Variants in MAST4 observed in about 807,000 individuals in gnomAD.
MAST4 encodes microtubule associated serine/threonine kinase family member 4, also known as microtubule-associated serine/threonine-protein kinase 4.
MAST4 carries 89 observed loss-of-function variants against 162.7 expected under a neutral mutation model. The ratio of observed to expected loss-of-function variants is 0.55; its 90% CI spans 0.46 to 0.65. MAST4 has a LOEUF of 0.65. MAST4 is among the 30% of genes least tolerant of loss of function. The pLI is 0.00. For synonymous variants in MAST4, 1,479 were observed against 1,361.1 expected (o/e 1.09, Z -1.91); for missense variants, 3,153 against 3,374.0 (o/e 0.93, Z 1.62).
intron 1 of MAST4, among the ~76,000 whole-genome samples, chr5:66,609,635 C>T (rs942920035): frequency 1.3e-5 from 2 of 151,448 alleles, no homozygotes; most frequent in African/African-American, 4.9e-5. Flanking sequence ...GATCCACCCA[C>T]CCTAGCCTCC....
intron 13 of MAST4, 24 bp from the exon 14 acceptor site, chr5:67,120,993 T>A: frequency 6.5e-7 from 1 of 1,538,140 alleles, no homozygotes; most frequent in Non-Finnish European, 8.9e-7. Flanking sequence ...AACTACTTTT[T>A]AACTTCCATA....
chr5:66,950,479 G>A (rs1239714173), intron 4 of MAST4, among the ~76,000 whole-genome samples: 3 of 151,950 alleles, frequency 2.0e-5, no homozygotes, highest in African/African-American at 7.3e-5. Flanking sequence ...CTATGAATTT[G>A]ACTACTATAG....
At chr5:66,677,500 G>T (rs1748026539) in intron 1 of MAST4, among the ~76,000 whole-genome samples, 1 of 152,156 alleles carries the variant, frequency 6.6e-6, no homozygotes, top group Non-Finnish European at 1.5e-5. Context: ...TATTCAAAAT[G>T]TGGTCAGCAA....
At chr5:66,603,174 G>T (rs1391022713) in intron 1 of MAST4, among the ~76,000 whole-genome samples, 1 of 152,128 alleles carries the variant, frequency 6.6e-6, no homozygotes, top group African/African-American at 2.4e-5. Flanking sequence ...TTCATGAGTA[G>T]GTAGATATGT....
chr5:66,816,518 T>A (rs1756733800), intron 3 of MAST4, among the ~76,000 whole-genome samples: 1 of 152,160 alleles, frequency 6.6e-6, no homozygotes, highest in Non-Finnish European at 1.5e-5. Flanking sequence ...CAGAAGGAAA[T>A]TATACTCTGC....
At chr5:66,633,142 G>A (rs898881118) in intron 1 of MAST4, among the ~76,000 whole-genome samples, 4 of 152,160 alleles carry the variant, frequency 2.6e-5, no homozygotes, top group Admixed American at 2.6e-4. Context: ...AAATACCCCA[G>A]TTTGAGAGTC....
intron 4 of MAST4, among the ~76,000 whole-genome samples, chr5:66,982,633 A>G (rs1245951597): frequency 6.6e-6 from 1 of 152,200 alleles, no homozygotes; most frequent in Non-Finnish European, 1.5e-5. Flanking sequence ...GCTTAAGCCC[A>G]TACCCTGGGC....
At position 66,849,506 on chromosome 5, in the gene MAST4, A is replaced by G. The variant is rs75739145; in HGVS notation, c.643-50445A>G. Among the ~76,000 whole-genome samples the G allele has an allele frequency of 9.1e-3, 1,366 of 150,608 alleles. 23 individuals are homozygous for G. The highest frequency in any genetic ancestry group is 0.082 in the South Asian group (392 of 4,758). ...TCTCCTGTCCTTTTTCATTTACTCC[A>G]TCTCCTCCTTTCCTGGAGTTCACTT... On this transcript the variant is annotated intron_variant, in intron 3 of 28. Coordinates refer to ENST00000403625, the MANE Select transcript of MAST4 (RefSeq NM_001164664.2).
In MAST4 at chr5:66,933,248, A is replaced by G. The variant is rs188010603; in HGVS notation, c.674+33266A>G. 1.7e-4 allele frequency among the ~76,000 whole-genome samples: 26 copies of G among 152,282 alleles called. 1 individual carries two copies. Among genetic ancestry groups the G allele is most frequent in the African/African-American group, 6.0e-4 (25 of 41,564 alleles). ...TTTTATATGGAAACATCTCTAGTAA[A>G]TATTTCAGTGGTGACGAACTGTTTT... On this transcript the variant is annotated intron_variant, in intron 4 of 28. Coordinates refer to ENST00000403625, the MANE Select transcript of MAST4 (RefSeq NM_001164664.2).
chr5:67,089,223 C>T (rs187690609), intron 5 of MAST4, among the ~76,000 whole-genome samples: 3 of 152,316 alleles, frequency 2.0e-5, no homozygotes, highest in Admixed American at 2.0e-4. Context: ...TCCATGTGGT[C>T]CTCAGACAAT....
chr5:66,614,822 CTCGTG>C (rs932555653), intron 1 of MAST4, among the ~76,000 whole-genome samples: 22 of 152,110 alleles, frequency 1.4e-4, no homozygotes, highest in African/African-American at 5.3e-4. Context: ...CTATAGTTCC[CTCGTG>C]TTGGGAGGTG....
At position 66,907,348 on chromosome 5, in the gene MAST4, A is replaced by T. The variant is rs190027680; in HGVS notation, c.674+7366A>T. On this transcript the variant is annotated intron_variant, in intron 4 of 28. Coordinates refer to ENST00000403625, the MANE Select transcript of MAST4 (RefSeq NM_001164664.2). Reference sequence around the variant, plus strand: ...TCCTCCCAGGGTGCAGGTGGGCATTACTCAGAAAGAATCAGTGGGGAAAGG... The same window carrying T: ...TCCTCCCAGGGTGCAGGTGGGCATTTCTCAGAAAGAATCAGTGGGGAAAGG... Among the ~76,000 whole-genome samples, 188 of 152,226 alleles carry T rather than the reference A, an allele frequency of 1.2e-3. 4 individuals carry two copies. Among genetic ancestry groups the T allele is most frequent in the Admixed American group, 9.1e-3 (139 of 15,300 alleles).
intron 4 of MAST4, among the ~76,000 whole-genome samples, chr5:66,974,399 T>G (rs1156926060): frequency 6.6e-6 from 1 of 152,232 alleles, no homozygotes; most frequent in Non-Finnish European, 1.5e-5. Flanking sequence ...GAGCTGCCAC[T>G]GCTTTTCTAT....
chr5:66,703,198 C>T (rs1351290188), intron 1 of MAST4, among the ~76,000 whole-genome samples: 1 of 152,078 alleles, frequency 6.6e-6, no homozygotes, highest in African/African-American at 2.4e-5. Flanking sequence ...ATTCCTTTGG[C>T]ATTTTGAGAA....
chr5:66,972,650 C>T (rs1193166394), intron 4 of MAST4, among the ~76,000 whole-genome samples: 2 of 152,188 alleles, frequency 1.3e-5, no homozygotes, highest in African/African-American at 4.8e-5. Context: ...TGAGCCGCTG[C>T]CATTTATCCC....
At position 66,890,183 on chromosome 5, in the gene MAST4, G is replaced by A. The variant is rs1057303124; in HGVS notation, c.643-9768G>A. ...AGCACACAAAGTACAATATGACTGTGGGCTGGAAGCTATTAACCTTGATAT... is the reference window on the plus strand; with the variant it reads ...AGCACACAAAGTACAATATGACTGTAGGCTGGAAGCTATTAACCTTGATAT... On this transcript the variant is annotated intron_variant, in intron 3 of 28. Transcript: ENST00000403625. Among the ~76,000 whole-genome samples, 3 of 152,094 alleles carry A rather than the reference G, an allele frequency of 2.0e-5. No homozygotes were observed. The South Asian group carries it at 6.2e-4, about 31-fold the overall frequency.
intron 4 of MAST4, among the ~76,000 whole-genome samples, chr5:66,935,927 CA>C (rs1015749334): frequency 1.3e-5 from 2 of 152,144 alleles, no homozygotes; most frequent in African/African-American, 4.8e-5. Context: ...CTCTGCCTCC[CA>C]AAGTGCTGGG....
chr5:67,061,692 C>G (rs1477027915), intron 5 of MAST4, among the ~76,000 whole-genome samples: 1 of 151,882 alleles, frequency 6.6e-6, no homozygotes, highest in African/African-American at 2.4e-5. Context: ...CTGCTCTGAT[C>G]TCATTGCTTC....
intron 4 of MAST4, among the ~76,000 whole-genome samples, chr5:66,967,062 A>T (rs1403871134): frequency 6.6e-6 from 1 of 152,208 alleles, no homozygotes; most frequent in Non-Finnish European, 1.5e-5. Flanking sequence ...TGCTGTTACC[A>T]CAGAAAAAGC....
Sources: allele counts gnomAD v4.1 joint callset (sites outside exome capture counted in the v4.1 genomes callset), GRCh38; gene constraint gnomAD v4.1.1; transcripts MANE v1.5; gene names NCBI Gene and HGNC (gene_info 2026-07-23, HGNC 2026-07-21).